ACBD7: variants seen among roughly 807,000 people sequenced by gnomAD.
ACBD7 encodes acyl-CoA binding domain containing 7, also known as acyl-CoA-binding domain-containing protein 7.
Under a neutral mutation model 13.7 loss-of-function variants are expected in ACBD7, and 11 were observed. That is an observed-to-expected ratio of 0.80 (90% CI 0.50 to 1.33). The LOEUF (loss-of-function observed/expected upper bound fraction) is 1.33, where lower values mean the gene tolerates loss of function less well. Ranked by LOEUF, ACBD7 falls within the 40% of genes most tolerant of loss-of-function variation. ACBD7 has a pLI of 0.00. For synonymous variants in ACBD7, 43 were observed against 37.7 expected (o/e 1.14, Z -0.51); for missense variants, 111 against 103.0 (o/e 1.08, Z -0.33).
At chr10:15,082,521 C>T (rs1366613923) in intron 1 of ACBD7, among the ~76,000 whole-genome samples, 2 of 152,062 alleles carry the variant, frequency 1.3e-5, no homozygotes, top group Non-Finnish European at 2.9e-5. Context: ...CTATAATGTG[C>T]ATGGATTGTG....
rs369003032 is a variant in ACBD7 at position 15,078,680 on chromosome 10, G to C, written c.193+11C>G. 295 of 1,613,988 alleles carry C rather than the reference G, an allele frequency of 1.8e-4. No homozygotes were observed. In the African/African-American group the frequency reaches 3.1e-3, roughly 17 times the overall value. On this transcript the variant is annotated intron_variant, in intron 3 of 3. Coordinates refer to ENST00000356189, the MANE Select transcript of ACBD7 (RefSeq NM_001039844.3). ...GAAAGTTTGCTTTAAACTTGTGAAAGACTAAAAAACCTTTTTTGAGGTTCC... is the reference window on the plus strand; with the variant it reads ...GAAAGTTTGCTTTAAACTTGTGAAACACTAAAAAACCTTTTTTGAGGTTCC...
At position 15,077,085 on chromosome 10, in the gene ACBD7, G is replaced by T; in HGVS notation, c.*1445C>A. On this transcript the variant is annotated 3_prime_UTR_variant, in exon 4 of 4. Coordinates refer to ENST00000356189, the MANE Select transcript of ACBD7 (RefSeq NM_001039844.3). ...TTCTACCCAGCAATCCCACTACTGG[G>T]TATCTTCTTAAAGGAAAATAAATCA... 4.2e-6 allele frequency: 1 copy of T among 239,072 alleles called. No homozygotes were observed. Among genetic ancestry groups the T allele is most frequent in the Non-Finnish European group, 6.8e-6 (1 of 147,742 alleles). The allele number at this position is 239,072 out of a possible 1,614,324, so 14.8% of individuals were successfully genotyped here.
chr10:15,076,227 A>G lies in ACBD7; in HGVS notation c.*2303T>C. On this transcript the variant is annotated 3_prime_UTR_variant, in exon 4 of 4. Coordinates refer to ENST00000356189, the MANE Select transcript of ACBD7 (RefSeq NM_001039844.3). ...GGGATATTTATCTTAAGGGATCTCA[A>G]ACAATTTTTTGAATTGTTAACATGA... The G allele has an allele frequency of 3.0e-6, 3 of 985,336 alleles. No homozygotes were observed. The highest frequency in any genetic ancestry group is 3.6e-6 in the Non-Finnish European group (3 of 829,926). 61.0% of individuals were successfully genotyped at this position (985,336 alleles called of 1,614,324 possible). A position where few individuals can be genotyped will look rare whatever the true frequency, so the allele number is the denominator to read the frequency against.
chr10:15,086,950 T>C (rs369002716), intron 1 of ACBD7, among the ~76,000 whole-genome samples: 6 of 150,384 alleles, frequency 4.0e-5, no homozygotes, highest in African/African-American at 1.2e-4. Flanking sequence ...AAGGTGGAGG[T>C]TGCGGTGAGC....
chr10:15,078,815 T>C (rs1271452844), intron 2 of ACBD7, 62 bp from the exon 3 acceptor site: 4 of 1,543,456 alleles, frequency 2.6e-6, no homozygotes, highest in Non-Finnish European at 3.5e-6. Context: ...TCTATAGACA[T>C]TGTTCAAACG....
chr10:15,079,098 C>T (rs1450585189), intron 1 of ACBD7, 58 bp from the exon 2 acceptor site: 9 of 1,181,192 alleles, frequency 7.6e-6, no homozygotes, highest in African/African-American at 1.5e-5. Flanking sequence ...GGAATAGGAA[C>T]TCAAAGAGCA....
intron 1 of ACBD7, among the ~76,000 whole-genome samples, chr10:15,083,339 T>C (rs1350085050): frequency 6.6e-6 from 1 of 152,224 alleles, no homozygotes; most frequent in Non-Finnish European, 1.5e-5. Flanking sequence ...ACATTGGCCT[T>C]GGCCAGGATA....
At chr10:15,079,762 A>G (rs775536067) in intron 1 of ACBD7, among the ~76,000 whole-genome samples, 6 of 151,906 alleles carry the variant, frequency 3.9e-5, no homozygotes, top group Non-Finnish European at 7.4e-5. Context: ...TATTTTTAGT[A>G]GACACGGGGT....
In ACBD7 at chr10:15,076,724, G is replaced by C; in HGVS notation, c.*1806C>G. On this transcript the variant is annotated 3_prime_UTR_variant, in exon 4 of 4. Coordinates refer to ENST00000356189, the MANE Select transcript of ACBD7 (RefSeq NM_001039844.3). The stretch of plus-strand genomic sequence containing the variant: ...TTGCAATGTTGGTCAGGCTGGTCTC[G>C]AACTTCTGACCTCAGTAATCCACCT... 1.1e-6 allele frequency: 1 copy of C among 921,070 alleles called. No individual in the cohort carries two copies. The highest frequency in any genetic ancestry group is 1.3e-6 in the Non-Finnish European group (1 of 771,584). 57.1% of individuals were successfully genotyped at this position (921,070 alleles called of 1,614,324 possible). A position where few individuals can be genotyped will look rare whatever the true frequency, so the allele number is the denominator to read the frequency against.
At chr10:15,086,201 G>A (rs1489025536) in intron 1 of ACBD7, among the ~76,000 whole-genome samples, 1 of 152,014 alleles carries the variant, frequency 6.6e-6, no homozygotes, top group Non-Finnish European at 1.5e-5. Context: ...CCAGCTACTA[G>A]GAGGCTAAGG....
At chr10:15,082,402 GA>G (rs1758446972) in intron 1 of ACBD7, among the ~76,000 whole-genome samples, 1 of 151,218 alleles carries the variant, frequency 6.6e-6, no homozygotes, top group Non-Finnish European at 1.5e-5. Flanking sequence ...AAGTAGTATA[GA>G]AAAAATAAAA....
chr10:15,084,329 G>C (rs1844784511), intron 1 of ACBD7, among the ~76,000 whole-genome samples: 1 of 152,190 alleles, frequency 6.6e-6, no homozygotes, highest in African/African-American at 2.4e-5. Context: ...GTTAACGAGC[G>C]AGCAGACTTT....
At chr10:15,078,838 AT>A in intron 2 of ACBD7, 84 bp downstream of exon 2, 1 of 1,336,222 alleles carries the variant, frequency 7.5e-7, no homozygotes, top group East Asian at 2.6e-5. Context: ...GTATATTACT[AT>A]ATTTTAAGTA....
In ACBD7 at chr10:15,076,185, G is replaced by C. The variant is rs7905995; in HGVS notation, c.*2345C>G. On this transcript the variant is annotated 3_prime_UTR_variant, in exon 4 of 4. Coordinates refer to ENST00000356189, the MANE Select transcript of ACBD7 (RefSeq NM_001039844.3). The stretch of plus-strand genomic sequence containing the variant: ...AATCTAAATTTTTATGCAGGGAATA[G>C]AGGTACACTGTTTTGGGGGATATTT... The C allele has an allele frequency of 2.7e-3, 2,694 of 985,156 alleles. 54 individuals are homozygous for C. The African/African-American group carries it at 0.042, about 16-fold the overall frequency. 61.0% of individuals were successfully genotyped at this position (985,156 alleles called of 1,614,324 possible). A position where few individuals can be genotyped will look rare whatever the true frequency, so the allele number is the denominator to read the frequency against.
intron 1 of ACBD7, among the ~76,000 whole-genome samples, chr10:15,085,508 G>C (rs1844798611): frequency 6.6e-6 from 1 of 152,180 alleles, no homozygotes; most frequent in South Asian, 2.1e-4. Flanking sequence ...ACCCAATTAA[G>C]AAGATAAAAA....
At chr10:15,085,207 T>C (rs1379349223) in intron 1 of ACBD7, among the ~76,000 whole-genome samples, 1 of 152,248 alleles carries the variant, frequency 6.6e-6, no homozygotes, top group African/African-American at 2.4e-5. Context: ...TTAAGGCTAC[T>C]ACAGCCCCTC....
chr10:15,081,402 T>C (rs1471308840), intron 1 of ACBD7, among the ~76,000 whole-genome samples: 1 of 152,188 alleles, frequency 6.6e-6, no homozygotes, highest in African/African-American at 2.4e-5. Flanking sequence ...GGGTAATCAC[T>C]GCAGCACCTG....
chr10:15,076,630 G>A lies in ACBD7; in HGVS notation c.*1900C>T. The A allele has an allele frequency of 1.6e-6, 1 of 626,372 alleles. No homozygotes were observed. Among genetic ancestry groups the A allele is most frequent in the Non-Finnish European group, 2.0e-6 (1 of 502,710 alleles). The allele number at this position is 626,372 out of a possible 1,614,324, so 38.8% of individuals were successfully genotyped here. A position where few individuals can be genotyped will look rare whatever the true frequency, so the allele number is the denominator to read the frequency against. ...CAATTCTCCTGCCTCAGCCTCCCAA[G>A]TAGCTGGAATTACAGGTGTGCACCA... On this transcript the variant is annotated 3_prime_UTR_variant, in exon 4 of 4. Transcript: ENST00000356189.
At position 15,085,866 on chromosome 10, in the gene ACBD7, A is replaced by T. The variant is rs1050943939; in HGVS notation, c.12+2851T>A. Among the ~76,000 whole-genome samples the T allele has an allele frequency of 2.0e-5, 3 of 152,154 alleles. No homozygotes were observed. In the East Asian group the frequency reaches 5.8e-4, roughly 29 times the overall value. On this transcript the variant is annotated intron_variant, in intron 1 of 3. Coordinates refer to ENST00000356189, the MANE Select transcript of ACBD7 (RefSeq NM_001039844.3). ...TGTGTAAATAAATAGAAGACTGGGG[A>T]CCCTGAACTAGTCACCTTTCCTCTC...
Sources: allele counts gnomAD v4.1 joint callset (sites outside exome capture counted in the v4.1 genomes callset), GRCh38; gene constraint gnomAD v4.1.1; transcripts MANE v1.5; gene names NCBI Gene and HGNC (gene_info 2026-07-23, HGNC 2026-07-21).